The following ABHD18 variants were observed in gnomAD, a reference collection of about 807,000 sequenced individuals.
ABHD18 encodes cardiolipin-specific deacylase, mitochondrial.
ABHD18 carries 55 observed loss-of-function variants against 65.9 expected under a neutral mutation model. The ratio of observed to expected loss-of-function variants is 0.84; its 90% confidence interval spans 0.67 to 1.05. The LOEUF (loss-of-function observed/expected upper bound fraction) is 1.05. Among genes scored for constraint, ABHD18 ranks in the 50% least tolerant of loss-of-function variants. The pLI, the probability that ABHD18 is intolerant of heterozygous loss-of-function variation, is 0.00. For missense variants in ABHD18, 533 were observed against 558.5 expected, an observed-to-expected ratio of 0.95 and a Z score of 0.46; for synonymous variants, 181 against 180.2, an observed-to-expected ratio of 1.00 and a Z score of -0.04.
chr4:127,999,991 C>CA (rs1752397932), intron 4 of ABHD18, among the ~76,000 whole-genome samples: 1 of 152,206 alleles, frequency 6.6e-6, no homozygotes, highest in Non-Finnish European at 1.5e-5. Context: ...GTGAAAGGCA[C>CA]ATCTCATATG....
chr4:127,979,986 A>C (rs1260718151), intron 1 of ABHD18, among the ~76,000 whole-genome samples: 1 of 151,986 alleles, frequency 6.6e-6, no homozygotes, highest in Non-Finnish European at 1.5e-5. Context: ...TCCACTTTAT[A>C]AAATTTTTAT....
chr4:128,028,580 T>A lies in ABHD18; in HGVS notation c.907T>A (p.Ser303Thr), dbSNP rs746484680. The A allele has an allele frequency of 2.1e-5, 34 of 1,613,634 alleles. No individual in the cohort carries two copies. In the South Asian group the frequency reaches 3.3e-4, roughly 16 times the overall value. ...TTCCAGAACTTTAAATTTAGATATA[T>A]CAAACCAAGTTGTATCCCAAAAACC... ...LVSRTLNLDI[S>T]NQVVSQKPAD... Residue 303 changes from serine to threonine, a missense_variant, in exon 11 of 13, where the codon TCA becomes ACA. Physicochemically the swap from Ser to Thr is moderately conservative, Grantham distance 58. Transcript: ENST00000645843.
intron 8 of ABHD18, among the ~76,000 whole-genome samples, chr4:128,018,530 A>T (rs1304082959): frequency 1.3e-5 from 2 of 152,086 alleles, no homozygotes; most frequent in African/African-American, 4.8e-5. Flanking sequence ...TTGTGGCTAC[A>T]TGGGAGGTTG....
At chr4:128,021,304 G>T (rs889757103) in intron 10 of ABHD18, 66 bp downstream of exon 10, 2 of 951,412 alleles carry the variant, frequency 2.1e-6, no homozygotes, top group Non-Finnish European at 1.6e-6. Flanking sequence ...TAATGATTCA[G>T]GTTTTTAAAG....
chr4:127,972,665 C>T (rs1027119771), intron 1 of ABHD18, among the ~76,000 whole-genome samples: 3 of 151,178 alleles, frequency 2.0e-5, no homozygotes, highest in Non-Finnish European at 2.9e-5. Flanking sequence ...CTTGGCTTCT[C>T]AAAGTGCTGG....
At chr4:128,009,272 C>T (rs1754147811) in intron 6 of ABHD18, 81 bp downstream of exon 6, 1 of 907,832 alleles carries the variant, frequency 1.1e-6, no homozygotes, top group African/African-American at 1.8e-5. Context: ...ATGATAGTAA[C>T]CAAGTTTTCT....
rs186034807 is a variant in ABHD18 at position 128,020,865 on chromosome 4, C to G, written c.700-272C>G. On this transcript the variant is annotated intron_variant, in intron 9 of 12. Coordinates refer to ENST00000645843, the MANE Select transcript of ABHD18 (RefSeq NM_001358451.3). ...CCTGGCCAACATGGTGAAACTCTGT[C>G]TCTACTAAAAATACAAAAATTAGCT... Among the ~76,000 whole-genome samples, 438 of 152,100 alleles carry G rather than the reference C, an allele frequency of 2.9e-3. 1 individual carries two copies. Among genetic ancestry groups the G allele is most frequent in the Non-Finnish European group, 5.1e-3 (348 of 67,984 alleles).
intron 4 of ABHD18, among the ~76,000 whole-genome samples, chr4:128,004,642 G>A (rs565399400): frequency 1.3e-5 from 2 of 152,270 alleles, no homozygotes; most frequent in Admixed American, 1.3e-4. Flanking sequence ...CGGGCGCAGT[G>A]GTTCACGCCT....
chr4:127,990,571 AT>A (rs1258292858), intron 4 of ABHD18, among the ~76,000 whole-genome samples: 1 of 150,656 alleles, frequency 6.6e-6, no homozygotes, highest in East Asian at 1.9e-4. Context: ...CAAAAAAAAA[AT>A]TTTTTTTTTA....
At chr4:127,979,962 T>C (rs1553960659) in intron 1 of ABHD18, among the ~76,000 whole-genome samples, 2 of 150,420 alleles carry the variant, frequency 1.3e-5, no homozygotes, top group Non-Finnish European at 3.0e-5. Context: ...AAAGAAGTGA[T>C]GAAGAGAAGT....
chr4:128,010,721 C>T (rs1055813392), intron 6 of ABHD18, among the ~76,000 whole-genome samples: 4 of 152,204 alleles, frequency 2.6e-5, no homozygotes, highest in African/African-American at 9.6e-5. Flanking sequence ...CGAGACCAGC[C>T]TGGCCAACAT....
chr4:128,015,232 T>G (rs2149150700), intron 7 of ABHD18, among the ~76,000 whole-genome samples: 1 of 152,006 alleles, frequency 6.6e-6, no homozygotes, highest in African/African-American at 2.4e-5. Context: ...GCAATGAGAG[T>G]GAGACTCTGT....
At chr4:127,991,905 G>C (rs1750992478) in intron 4 of ABHD18, among the ~76,000 whole-genome samples, 1 of 152,146 alleles carries the variant, frequency 6.6e-6, no homozygotes, top group African/African-American at 2.4e-5. Context: ...AGAGTGGTTT[G>C]ATTGACCTGA....
In ABHD18 at chr4:127,966,746, G is replaced by C. The variant is rs866650132; in HGVS notation, c.-18+1140G>C. ...AAAAAAAAAAAAAAAAAAGCCGGGC[G>C]TGGTGGCGGGCGCCTATAGTCCCAG... is the stretch of plus-strand genomic sequence containing the variant. On this transcript the variant is annotated intron_variant, in intron 1 of 12. Coordinates refer to ENST00000645843, the MANE Select transcript of ABHD18 (RefSeq NM_001358451.3). 1.9e-4 allele frequency among the ~76,000 whole-genome samples: 26 copies of C among 139,128 alleles called. No individual in the cohort carries two copies. The South Asian group carries it at 4.6e-3, about 25-fold the overall frequency. The allele number at this position is 139,128 out of a possible 152,430, so 91.3% of individuals were successfully genotyped here.
At chr4:128,012,730 T>C (rs752190521) in intron 7 of ABHD18, among the ~76,000 whole-genome samples, 1 of 151,468 alleles carries the variant, frequency 6.6e-6, no homozygotes, top group African/African-American at 2.4e-5. Flanking sequence ...AAAAGCCCAA[T>C]GTAAGCGTCA....
rs1234141242 is a variant in ABHD18, at chr4:128,017,381, T to A, written c.489T>A (p.Asn163Lys). The A allele has an allele frequency of 6.2e-7, 1 of 1,613,722 alleles. No homozygotes were observed. The highest frequency in any genetic ancestry group is 8.5e-7 in the Non-Finnish European group (1 of 1,179,802). The change falls in exon 8 of 13, where the codon AAT becomes AAA. Residue 163 changes from asparagine to lysine, a missense_variant. This residue lies in a region of ABHD18 where 309 missense variants were observed against 313.5 expected (regional missense o/e 0.99). Coordinates refer to ENST00000645843, the MANE Select transcript of ABHD18 (RefSeq NM_001358451.3). ...AGGCTAGAAGGTCCAGCTTAAAAAA[T>A]GTGTCCGACCTTTTTGTGATGGGAG... ...PKDQVRSSLK[N>K]VSDLFVMGGA...
intron 3 of ABHD18, among the ~76,000 whole-genome samples, chr4:127,987,952 A>C (rs1470987421): frequency 1.3e-5 from 2 of 152,140 alleles, no homozygotes; most frequent in Non-Finnish European, 2.9e-5. Context: ...TCAGATCAGG[A>C]ATACTCTGGT....
intron 1 of ABHD18, among the ~76,000 whole-genome samples, chr4:127,973,562 T>G (rs1430195563): frequency 6.6e-6 from 1 of 152,146 alleles, no homozygotes; most frequent in Non-Finnish European, 1.5e-5. Flanking sequence ...TATTTTTGTG[T>G]GATCCCCTTC....
chr4:128,026,950 T>A (rs1463801610), intron 10 of ABHD18, among the ~76,000 whole-genome samples: 1 of 151,998 alleles, frequency 6.6e-6, no homozygotes, highest in Non-Finnish European at 1.5e-5. Context: ...ACCTGGCTAA[T>A]TTTTATATTT....
Sources: gnomAD v4.1 joint callset for allele counts (sites outside exome capture counted in the v4.1 genomes callset) on GRCh38, gnomAD v4.1.1 for gene constraint, gnomAD v4.1.1 regional missense constraint, MANE v1.5 for transcripts, NCBI Gene and HGNC (gene_info 2026-07-23, HGNC 2026-07-21) for gene names.